SLC19A1: variants seen among roughly 807,000 people sequenced by gnomAD.
The protein encoded by SLC19A1 is reduced folate transporter.
SLC19A1 carries 37 observed loss-of-function variants against 35.3 expected under a neutral mutation model. The ratio of observed to expected loss-of-function variants is 1.05; its 90% confidence interval spans 0.81 to 1.38. The LOEUF (loss-of-function observed/expected upper bound fraction) is 1.38, where lower values mean the gene tolerates loss of function less well. SLC19A1 is among the 40% of genes most tolerant of loss of function. The pLI is 0.00. For synonymous variants in SLC19A1, 460 were observed against 398.5 expected, an observed-to-expected ratio of 1.15 and a Z score of -1.84; for missense variants, 831 against 826.9, an observed-to-expected ratio of 1.00 and a Z score of -0.06.
Position 45,515,348 on chromosome 21 carries a change from G to A in SLC19A1, c.*310C>T. 6.9e-7 allele frequency: 1 copy of A among 1,438,912 alleles called. No homozygotes were observed. The highest frequency in any genetic ancestry group is 9.0e-7 in the Non-Finnish European group (1 of 1,106,124). The allele number at this position is 1,438,912 out of a possible 1,614,324, so 89.1% of individuals were successfully genotyped here. The stretch of plus-strand genomic sequence containing the variant: ...TTCACTAGCCCTGGGGGGCAGAAAG[G>A]ATTTGTCTCAAGCCCCCCAAGGGGC... On this transcript the variant is annotated 3_prime_UTR_variant, in exon 6 of 6. Transcript: ENST00000311124.
At chr21:45,532,425 A>C (rs952443844) in intron 2 of SLC19A1, among the ~76,000 whole-genome samples, 1 of 152,140 alleles carries the variant, frequency 6.6e-6, no homozygotes, top group Non-Finnish European at 1.5e-5. Context: ...CTGTTCATCT[A>C]AGCTTCTCTA....
chr21:45,545,666 A>G (rs1228038349), upstream of SLC19A1, among the ~76,000 whole-genome samples: 1 of 149,244 alleles, frequency 6.7e-6, no homozygotes, highest in Admixed American at 6.6e-5. Flanking sequence ...CATACACATG[A>G]CACAGAGATA....
At chr21:45,538,069 C>A (rs1040710055) in intron 1 of SLC19A1, 61 bp from the exon 2 acceptor site, 30 of 951,010 alleles carry the variant, frequency 3.2e-5, no homozygotes, top group Admixed American at 6.7e-5. Context: ...CCCTACCCCG[C>A]AAAACGAGGC....
chr21:45,516,985 A>G (rs962156691), intron 5 of SLC19A1, among the ~76,000 whole-genome samples: 5 of 152,194 alleles, frequency 3.3e-5, no homozygotes, highest in African/African-American at 1.2e-4. Flanking sequence ...AGACACTGAG[A>G]TAAACACCTG....
In SLC19A1 at chr21:45,525,968, A is replaced by T. The variant is rs780180676; in HGVS notation, c.1152-10T>A. ...AGATGCAATCTGAAAGCTGAACGGGAAGAGCGGGCAGATCAGGCGCTGCTG... is the reference window on the plus strand; with the variant it reads ...AGATGCAATCTGAAAGCTGAACGGGTAGAGCGGGCAGATCAGGCGCTGCTG... On this transcript the variant is annotated splice_polypyrimidine_tract_variant and intron_variant, in intron 4 of 5. Transcript: ENST00000311124. The T allele has an allele frequency of 6.2e-7, 1 of 1,612,226 alleles. No individual in the cohort carries two copies. The highest frequency in any genetic ancestry group is 1.3e-5 in the African/African-American group (1 of 74,942).
intron 1 of SLC19A1, among the ~76,000 whole-genome samples, chr21:45,556,980 G>A (rs112749477): frequency 6.6e-6 from 1 of 152,162 alleles, no homozygotes; most frequent in Non-Finnish European, 1.5e-5. Flanking sequence ...TGTCTCCTGG[G>A]ACGGCGCCTC....
chr21:45,505,181 T>C lies in SLC19A1; in HGVS notation c.498-6569A>G, dbSNP rs755457459. Reference sequence around the variant, plus strand: ...GGGGCCAGCCCGGCCCACCTGGACCTCAGGGACCCCCCGGCATCGGCTACG... The same window carrying C: ...GGGGCCAGCCCGGCCCACCTGGACCCCAGGGACCCCCCGGCATCGGCTACG... On this transcript the variant is annotated intron_variant, in intron 3 of 4. Coordinates refer to the SLC19A1 transcript ENST00000417954. 9 of 1,606,408 alleles carry C rather than the reference T, an allele frequency of 5.6e-6. No homozygotes were observed. The East Asian group carries it at 1.6e-4, about 28-fold the overall frequency.
In SLC19A1 at chr21:45,561,688, G is replaced by A. The variant is rs1172721593; in HGVS notation, c.-50+1054C>T. On this transcript the variant is annotated intron_variant, in intron 1 of 5. Coordinates refer to the SLC19A1 transcript ENST00000650808. Reference sequence around the variant, plus strand: ...AGACAAGAGAATTGCTTGAACCCAGGAGGCGGAGGTTGTAGTGAGCCAAGA... The same window carrying A: ...AGACAAGAGAATTGCTTGAACCCAGAAGGCGGAGGTTGTAGTGAGCCAAGA... Among the ~76,000 whole-genome samples, 9 of 152,204 alleles carry A rather than the reference G, an allele frequency of 5.9e-5. 1 individual carries two copies. In the East Asian group the frequency reaches 9.6e-4, roughly 16 times the overall value.
intron 5 of SLC19A1, among the ~76,000 whole-genome samples, chr21:45,523,558 G>C (rs926026572): frequency 4.6e-5 from 7 of 152,174 alleles, no homozygotes; most frequent in African/African-American, 1.7e-4. Context: ...AGCCCACCGT[G>C]AGGGGTCCCC....
At chr21:45,556,635 C>T (rs995015092) in intron 1 of SLC19A1, among the ~76,000 whole-genome samples, 9 of 152,256 alleles carry the variant, frequency 5.9e-5, no homozygotes, top group African/African-American at 1.9e-4. Context: ...CACCTGTCTG[C>T]AGCCATAGCA....
Position 45,530,565 on chromosome 21 carries a change from T to C in SLC19A1, c.1151+205A>G, listed in dbSNP as rs776348121. On this transcript the variant is annotated intron_variant, in intron 4 of 5. Coordinates refer to ENST00000311124, the MANE Select transcript of SLC19A1 (RefSeq NM_194255.4). This position sits in a 1 kb window ranked among gnomAD's most constrained non-coding sequence, Gnocchi z 5.3. ...GCTTCAGAGAGGAGCGTGGAGGGCC[T>C]GGGGGAGCAGCAAGACGGCACAGGA... 6.0e-4 allele frequency among the ~76,000 whole-genome samples: 91 copies of C among 152,102 alleles called. 2 individuals are homozygous for C. Among genetic ancestry groups the C allele is most frequent in the Non-Finnish European group, 2.2e-4 (15 of 67,938 alleles).
chr21:45,536,154 G>GA (rs2146408911), intron 2 of SLC19A1: 1 of 160,154 alleles, frequency 6.2e-6, no homozygotes, highest in Admixed American at 6.4e-5. Flanking sequence ...CAGAGCACCT[G>GA]CACCCATCGT....
At chr21:45,538,046 G>GCCCT in intron 1 of SLC19A1, 38 bp from the exon 2 acceptor site, 1 of 1,215,246 alleles carries the variant, frequency 8.2e-7, no homozygotes, top group Non-Finnish European at 1.1e-6. Flanking sequence ...CTTGGAAGAT[G>GCCCT]GTCTGCAGGC....
chr21:45,513,088 GC>G lies in SLC19A1; in HGVS notation c.*2569del, dbSNP rs1324725355. On this transcript the variant is annotated 3_prime_UTR_variant, in exon 6 of 6. Transcript: ENST00000311124. ...AGCCTGGGGCTGGCCTCCCAAATGA[GC>G]CATGAGATGATACATCCAAAGCAGA... 1 of 154,624 alleles carries G rather than the reference GC, an allele frequency of 6.5e-6. No homozygotes were observed. Among genetic ancestry groups the G allele is most frequent in the Non-Finnish European group, 1.4e-5 (1 of 69,710 alleles). 9.6% of individuals were successfully genotyped at this position (154,624 alleles called of 1,614,324 possible). A position where few individuals can be genotyped will look rare whatever the true frequency, so the allele number is the denominator to read the frequency against.
rs141386096 is a variant in SLC19A1, at chr21:45,520,034, G to C, written c.1294-3894C>G. Among the ~76,000 whole-genome samples, 86 of 152,108 alleles carry C rather than the reference G, an allele frequency of 5.7e-4. 3 individuals carry two copies. In the East Asian group the frequency reaches 0.017, roughly 29 times the overall value. On this transcript the variant is annotated intron_variant, in intron 5 of 5. Transcript: ENST00000311124. ...TTCCAATCACAACAGAATCAAAAAAGAAATTAATAACAGAAAGATAACAGG... is the reference window on the plus strand; with the variant it reads ...TTCCAATCACAACAGAATCAAAAAACAAATTAATAACAGAAAGATAACAGG...
chr21:45,531,996 G>A lies in SLC19A1; in HGVS notation c.342C>T (p.His114=), dbSNP rs137923893. Residue 114 remains histidine (H), a synonymous_variant, in exon 3 of 6, where the codon CAC becomes CAT. Transcript: ENST00000311124. ...CCATGAGCTGCATGTGCGCCACCGA[G>A]TGGCCCAGCAGCAGCAGCAGCCACA... ...VSVWLLLLLG[H]SVAHMQLMEL... 6.4e-5 allele frequency: 103 copies of A among 1,610,648 alleles called. No individual in the cohort carries two copies. The African/African-American group carries it at 1.3e-3, about 20-fold the overall frequency.
chr21:45,518,581 C>T (rs553493592), intron 5 of SLC19A1, among the ~76,000 whole-genome samples: 86 of 152,044 alleles, frequency 5.7e-4, no homozygotes, highest in Non-Finnish European at 8.5e-4. Context: ...TATAAGCTAA[C>T]GATAAAAATA....
intron 3 of SLC19A1, chr21:45,506,577 G>GC: frequency 5.5e-6 from 1 of 182,694 alleles, no homozygotes; most frequent in South Asian, 1.1e-4. Context: ...TGCTTGCAGG[G>GC]CCCCGGGAAG....
At chr21:45,548,882 A>G (rs758077661), upstream of SLC19A1, among the ~76,000 whole-genome samples, 4 of 152,220 alleles carry the variant, frequency 2.6e-5, no homozygotes, top group Non-Finnish European at 5.9e-5. Flanking sequence ...TATAAAGGCT[A>G]AAATTTAAGA....
Sources: gnomAD v4.1 joint callset for allele counts (sites outside exome capture counted in the v4.1 genomes callset) on GRCh38, gnomAD v4.1.1 for gene constraint, Gnocchi (gnomAD v3.1) non-coding constraint, MANE v1.5 for transcripts, NCBI Gene and HGNC (gene_info 2026-07-23, HGNC 2026-07-21) for gene names.